Variants in EYA2 observed in about 807,000 individuals in gnomAD.
EYA2 encodes EYA transcriptional coactivator and phosphatase 2, also known as protein phosphatase EYA2.
In EYA2, 31 loss-of-function variants were observed where a neutral mutation model predicts 69.2. The ratio of observed to expected loss-of-function variants is 0.45; its 90% CI spans 0.34 to 0.60. The LOEUF (loss-of-function observed/expected upper bound fraction) is 0.60, where lower values mean the gene tolerates loss of function less well. EYA2 is among the 20% of genes least tolerant of loss of function. The pLI is 0.02. For synonymous variants in EYA2, 257 were observed against 279.4 expected (o/e 0.92, Z 0.80); for missense variants, 622 against 701.2 (o/e 0.89, Z 1.28).
intron 9 of EYA2, chr20:47,117,544 G>A (rs2032934743): frequency 3.0e-6 from 3 of 985,262 alleles, no homozygotes; most frequent in African/African-American, 1.7e-5. Flanking sequence ...CTTGGATTCC[G>A]GAATCCAGAA....
At chr20:47,183,079 A>G (rs992969940) in intron 14 of EYA2, among the ~76,000 whole-genome samples, 8 of 152,174 alleles carry the variant, frequency 5.3e-5, no homozygotes, top group Admixed American at 5.2e-4. Context: ...TGCCCTGGGC[A>G]AGCTACTGAC....
intron 8 of EYA2, among the ~76,000 whole-genome samples, chr20:47,090,708 C>T (rs1408972379): frequency 2.0e-5 from 3 of 152,204 alleles, no homozygotes. Flanking sequence ...TAACAAAAAT[C>T]CCTAATACAA....
chr20:47,131,955 A>G (rs1401004112), intron 9 of EYA2, among the ~76,000 whole-genome samples: 1 of 152,186 alleles, frequency 6.6e-6, no homozygotes, highest in Non-Finnish European at 1.5e-5. Context: ...TTTCTAAACT[A>G]AAATGCACTT....
chr20:46,976,728 A>G (rs1185267823), intron 1 of EYA2, among the ~76,000 whole-genome samples: 3 of 152,188 alleles, frequency 2.0e-5, no homozygotes, highest in Non-Finnish European at 4.4e-5. Flanking sequence ...AGGGAGTAAA[A>G]ACAGCACAAG....
chr20:46,971,549 A>T (rs539369540), intron 1 of EYA2, among the ~76,000 whole-genome samples: 1 of 152,232 alleles, frequency 6.6e-6, no homozygotes, highest in African/African-American at 2.4e-5. Context: ...TGTAGTCTTT[A>T]TTCTGGGTAG....
At chr20:47,023,654 T>TTTTG (rs1555813774) in intron 5 of EYA2, among the ~76,000 whole-genome samples, 2 of 143,870 alleles carry the variant, frequency 1.4e-5, no homozygotes, top group African/African-American at 2.6e-5. Context: ...TTTTTTTTTT[T>TTTTG]GAAGACAGAG....
At chr20:47,007,586 A>G (rs1378086931) in intron 4 of EYA2, among the ~76,000 whole-genome samples, 1 of 152,062 alleles carries the variant, frequency 6.6e-6, no homozygotes, top group African/African-American at 2.4e-5. Flanking sequence ...AATAGGATGC[A>G]ACTTAGGTGG....
At chr20:47,141,875 T>C (rs942425972) in intron 9 of EYA2, among the ~76,000 whole-genome samples, 6 of 152,254 alleles carry the variant, frequency 3.9e-5, no homozygotes, top group African/African-American at 1.4e-4. Flanking sequence ...GCGTATGTGC[T>C]CCTTCTTGTA....
chr20:46,981,182 G>A (rs989944424), intron 1 of EYA2, among the ~76,000 whole-genome samples: 2 of 152,302 alleles, frequency 1.3e-5, no homozygotes, highest in Middle Eastern at 3.4e-3. Context: ...ATCTCCCAGC[G>A]TGGTTGAGAG....
intron 8 of EYA2, 35 bp from the exon 9 acceptor site, chr20:47,097,050 A>C (rs1372807100): frequency 6.5e-7 from 1 of 1,543,928 alleles, no homozygotes; most frequent in African/African-American, 1.4e-5. Flanking sequence ...ACGTGAGTCC[A>C]TTTTTCTCCA....
At chr20:47,155,572 C>T (rs1031929623) in intron 10 of EYA2, among the ~76,000 whole-genome samples, 3 of 151,996 alleles carry the variant, frequency 2.0e-5, no homozygotes, top group African/African-American at 7.2e-5. Context: ...AGGCACAGAG[C>T]GGTTCACTTG....
intron 7 of EYA2, among the ~76,000 whole-genome samples, chr20:47,088,516 T>G (rs2031968859): frequency 6.6e-6 from 1 of 152,158 alleles, no homozygotes; most frequent in South Asian, 2.1e-4. Flanking sequence ...GACCGAGGCC[T>G]TCCCTGACTA....
intron 5 of EYA2, among the ~76,000 whole-genome samples, chr20:47,040,461 G>A (rs1984994514): frequency 6.6e-6 from 1 of 152,204 alleles, no homozygotes; most frequent in African/African-American, 2.4e-5. Context: ...GGGAATTGCT[G>A]TACCTCTCCT....
At chr20:47,025,224 G>A (rs1306111772) in intron 5 of EYA2, among the ~76,000 whole-genome samples, 3 of 152,050 alleles carry the variant, frequency 2.0e-5, no homozygotes, top group East Asian at 1.9e-4. Context: ...CATTTTTACT[G>A]GGATTGTCAC....
At chr20:47,126,266 A>G (rs563222557) in intron 9 of EYA2, among the ~76,000 whole-genome samples, 393 of 152,364 alleles carry the variant, frequency 2.6e-3, no homozygotes, top group African/African-American at 9.2e-3. Flanking sequence ...GGTGTGACCA[A>G]CCAGGCCCCG....
At chr20:47,032,140 C>T (rs1439050705) in intron 5 of EYA2, among the ~76,000 whole-genome samples, 1 of 152,158 alleles carries the variant, frequency 6.6e-6, no homozygotes, top group Non-Finnish European at 1.5e-5. Flanking sequence ...AGAAGCCAGG[C>T]TGTGGGATGC....
At chr20:46,914,398 T>C (rs929915972) in intron 1 of EYA2, among the ~76,000 whole-genome samples, 5 of 152,210 alleles carry the variant, frequency 3.3e-5, no homozygotes, top group African/African-American at 1.2e-4. Flanking sequence ...TATTACTCCA[T>C]TCTCACACTG....
intron 5 of EYA2, among the ~76,000 whole-genome samples, chr20:47,050,688 G>A (rs2030284909): frequency 6.6e-6 from 1 of 152,248 alleles, no homozygotes; most frequent in African/African-American, 2.4e-5. Context: ...CATCTTAAAG[G>A]AAGCTGTGGC....
At chr20:47,029,721 C>T (rs1274231819) in intron 5 of EYA2, among the ~76,000 whole-genome samples, 2 of 152,216 alleles carry the variant, frequency 1.3e-5, no homozygotes, top group Non-Finnish European at 2.9e-5. Flanking sequence ...TTTTATAACA[C>T]TTCTTCCAAG....
Sources: allele counts gnomAD v4.1 joint callset (sites outside exome capture counted in the v4.1 genomes callset), GRCh38; gene constraint gnomAD v4.1.1; transcripts MANE v1.5; gene names NCBI Gene and HGNC (gene_info 2026-07-23, HGNC 2026-07-21).